VTI1A: variants seen among roughly 807,000 people sequenced by gnomAD.
The protein encoded by VTI1A is vesicle transport through interaction with t-SNAREs homolog 1A.
In VTI1A, 22 loss-of-function variants were observed where a neutral mutation model predicts 34.9. That is an observed-to-expected ratio of 0.63 (90% confidence interval 0.45 to 0.90). VTI1A has a LOEUF of 0.90. Among genes scored for constraint, VTI1A ranks in the 40% least tolerant of loss-of-function variants. The probability of loss-of-function intolerance (pLI) is 0.00; values close to 1 mark genes in which losing one functional copy is unlikely to be tolerated. For missense variants in VTI1A, 268 were observed against 275.6 expected, an observed-to-expected ratio of 0.97 and a Z score of 0.20; for synonymous variants, 87 against 97.3, an observed-to-expected ratio of 0.89 and a Z score of 0.62.
intron 5 of VTI1A, among the ~76,000 whole-genome samples, chr10:112,618,710 G>A (rs1214599481): frequency 6.6e-6 from 1 of 151,836 alleles, no homozygotes; most frequent in Middle Eastern, 3.4e-3. Flanking sequence ...CATAGATAGG[G>A]AGGACATTAG....
chr10:112,461,590 A>G (rs1269303189), intron 2 of VTI1A, among the ~76,000 whole-genome samples: 1 of 152,252 alleles, frequency 6.6e-6, no homozygotes, highest in Non-Finnish European at 1.5e-5. Flanking sequence ...ATATAAATAC[A>G]TCAGTAAAAC....
In VTI1A at chr10:112,527,134, G is replaced by A. The variant is rs1368805272; in HGVS notation, c.312G>A (p.Leu104=). 13 of 1,613,370 alleles carry A rather than the reference G, an allele frequency of 8.1e-6. No individual in the cohort carries two copies. In the South Asian group the frequency reaches 1.2e-4, roughly 15 times the overall value. ...AYSDEVRNEL[L]GDDGNSSENQ... is the part of the protein sequence containing the mutation. ...GTGACGAAGTACGGAATGAGCTCCT[G>A]GGGGATGATGGGAATTCCTCAGAGA... is the stretch of plus-strand genomic sequence containing the variant. The change falls in exon 4 of 8, where the codon CTG becomes CTA. Residue 104 remains leucine, a synonymous_variant. Coordinates refer to ENST00000393077, the MANE Select transcript of VTI1A (RefSeq NM_145206.4).
At chr10:112,689,616 G>A (rs543701487) in intron 7 of VTI1A, among the ~76,000 whole-genome samples, 8 of 152,278 alleles carry the variant, frequency 5.3e-5, no homozygotes, top group Non-Finnish European at 8.8e-5. Context: ...GGAGGATGAT[G>A]GATGACTTTT....
intron 5 of VTI1A, among the ~76,000 whole-genome samples, chr10:112,618,661 C>T (rs1845614197): frequency 6.6e-6 from 1 of 150,968 alleles, no homozygotes; most frequent in Non-Finnish European, 1.5e-5. Flanking sequence ...GACTTTTGAG[C>T]CTGACCTTAA....
chr10:112,473,584 T>G (rs1401416095), intron 3 of VTI1A, among the ~76,000 whole-genome samples: 1 of 152,198 alleles, frequency 6.6e-6, no homozygotes, highest in Non-Finnish European at 1.5e-5. Context: ...GTGAACATAT[T>G]TGAACAGGAT....
At chr10:112,507,576 C>A (rs1421826991) in intron 3 of VTI1A, among the ~76,000 whole-genome samples, 11 of 152,150 alleles carry the variant, frequency 7.2e-5, no homozygotes, top group Non-Finnish European at 1.5e-4. Context: ...CAAACCTATA[C>A]TATACCCAAG....
chr10:112,534,866 T>G (rs1482310192), intron 4 of VTI1A, among the ~76,000 whole-genome samples: 1 of 152,186 alleles, frequency 6.6e-6, no homozygotes, highest in Non-Finnish European at 1.5e-5. Context: ...AGAATCTGAA[T>G]TTTCAAATGT....
intron 5 of VTI1A, among the ~76,000 whole-genome samples, chr10:112,614,992 G>A (rs1202601726): frequency 6.6e-6 from 1 of 151,996 alleles, no homozygotes; most frequent in Non-Finnish European, 1.5e-5. Context: ...CCAAGGAAAG[G>A]GATGGAGTAC....
At chr10:112,513,691 T>A (rs553043002) in intron 3 of VTI1A, among the ~76,000 whole-genome samples, 2 of 150,150 alleles carry the variant, frequency 1.3e-5, no homozygotes, top group African/African-American at 2.5e-5. Flanking sequence ...ATAGACTTTA[T>A]TGTGTTTAGG....
chr10:112,850,007 G>T, the VTI1A span, among the ~76,000 whole-genome samples: 1 of 152,200 alleles, frequency 6.6e-6, no homozygotes, highest in Non-Finnish European at 1.5e-5. Context: ...AAAGAGGAAG[G>T]TGGTGGATCA....
chr10:112,570,553 C>CA (rs1440476234), intron 5 of VTI1A, among the ~76,000 whole-genome samples: 1 of 151,868 alleles, frequency 6.6e-6, no homozygotes, highest in African/African-American at 2.4e-5. Flanking sequence ...GAGATATAAA[C>CA]AAAAAACAAT....
chr10:112,617,123 G>T (rs886934090), intron 5 of VTI1A, among the ~76,000 whole-genome samples: 3 of 152,036 alleles, frequency 2.0e-5, no homozygotes, highest in Non-Finnish European at 4.4e-5. Context: ...CAAAGCCAAT[G>T]AGAAATAAAA....
intron 1 of VTI1A, among the ~76,000 whole-genome samples, chr10:112,459,255 A>T (rs901996268): frequency 6.6e-6 from 1 of 152,126 alleles, no homozygotes; most frequent in Admixed American, 6.5e-5. Context: ...TCTGTCTCTC[A>T]GTTGTGTTTC....
intron 7 of VTI1A, among the ~76,000 whole-genome samples, chr10:112,784,904 C>T (rs879466258): frequency 1.3e-5 from 2 of 152,278 alleles, no homozygotes; most frequent in East Asian, 1.9e-4. Flanking sequence ...GTCCATCGTA[C>T]GTATTTCTGC....
chr10:112,456,506 A>G (rs550823397), intron 1 of VTI1A, among the ~76,000 whole-genome samples: 1 of 151,876 alleles, frequency 6.6e-6, no homozygotes, highest in East Asian at 1.9e-4. Flanking sequence ...ATAGAACTCT[A>G]GGAATTCAAA....
At chr10:112,452,294 G>T (rs191267335) in intron 1 of VTI1A, among the ~76,000 whole-genome samples, 154 of 152,260 alleles carry the variant, frequency 1.0e-3, no homozygotes, top group Admixed American at 3.3e-3. Context: ...TTTAGGGCCG[G>T]GCGCGGTGGC....
At position 112,516,788 on chromosome 10, in the gene VTI1A, A is replaced by G. The variant is rs796781439; in HGVS notation, c.265-10299A>G. On this transcript the variant is annotated intron_variant, in intron 3 of 7. Transcript: ENST00000393077. Reference sequence around the variant, plus strand: ...CCTGCTGATTGATTGGATTTGTGTAATGAAGGAGAGAGTGGGATAATTTTT... The same window carrying G: ...CCTGCTGATTGATTGGATTTGTGTAGTGAAGGAGAGAGTGGGATAATTTTT... Among the ~76,000 whole-genome samples, 45 of 152,208 alleles carry G rather than the reference A, an allele frequency of 3.0e-4. 1 individual carries two copies. The highest frequency in any genetic ancestry group is 1.0e-3 in the African/African-American group (43 of 41,556).
intron 5 of VTI1A, among the ~76,000 whole-genome samples, chr10:112,542,753 A>C (rs1850915058): frequency 6.6e-6 from 1 of 152,164 alleles, no homozygotes; most frequent in African/African-American, 2.4e-5. Context: ...AGATGAGAAA[A>C]CAAGTTAGAG....
rs1853518366 is a variant in VTI1A, at chr10:112,816,222, C to G, written c.*839C>G. 4.6e-6 allele frequency: 1 copy of G among 216,000 alleles called. No individual in the cohort carries two copies. Among genetic ancestry groups the G allele is most frequent in the Admixed American group, 5.8e-5 (1 of 17,164 alleles). 13.4% of individuals were successfully genotyped at this position (216,000 alleles called of 1,614,324 possible). A position where few individuals can be genotyped will look rare whatever the true frequency, so the allele number is the denominator to read the frequency against. On this transcript the variant is annotated 3_prime_UTR_variant, in exon 8 of 8. Transcript: ENST00000393077. ...AATATCTGCACTGCCAAAAGCAGTC[C>G]TCATACTTGCAAAAGGTCTGACAAG...
Sources: gnomAD v4.1 joint callset for allele counts (sites outside exome capture counted in the v4.1 genomes callset) on GRCh38, gnomAD v4.1.1 for gene constraint, MANE v1.5 for transcripts, NCBI Gene and HGNC (gene_info 2026-07-23, HGNC 2026-07-21) for gene names.